TRPM3: variants seen among roughly 807,000 people sequenced by gnomAD.
TRPM3 encodes the protein transient receptor potential cation channel subfamily M member 3.
TRPM3 carries 77 observed loss-of-function variants against 181.2 expected under a neutral mutation model. That is an observed-to-expected ratio of 0.42 (90% CI 0.35 to 0.51). TRPM3 has a LOEUF of 0.51. Ranked by LOEUF, TRPM3 falls within the 20% of genes least tolerant of loss-of-function variation. TRPM3 has a pLI of 0.01. For missense variants in TRPM3, 1,759 were observed against 2,196.7 expected (o/e 0.80, Z 3.98); for synonymous variants, 745 against 796.4 (o/e 0.94, Z 1.09).
At chr9:71,044,431 T>C (rs2059186069) in intron 1 of TRPM3, among the ~76,000 whole-genome samples, 1 of 152,238 alleles carries the variant, frequency 6.6e-6, no homozygotes, top group Non-Finnish European at 1.5e-5. Flanking sequence ...CTGTTTATAT[T>C]CTTTGCTTTT....
chr9:70,860,710 C>T (rs1422645454), intron 3 of TRPM3, among the ~76,000 whole-genome samples: 1 of 152,120 alleles, frequency 6.6e-6, no homozygotes, highest in African/African-American at 2.4e-5. Flanking sequence ...TATGTGCATC[C>T]AAATGAGTGT....
At position 70,616,072 on chromosome 9, in the gene TRPM3, T is replaced by C; in HGVS notation, c.2362A>G (p.Ile788Val). The C allele has an allele frequency of 6.3e-7, 1 of 1,582,068 alleles. No homozygotes were observed. The highest frequency in any genetic ancestry group is 8.6e-7 in the Non-Finnish European group (1 of 1,166,396). The change falls in exon 18 of 26, where the codon ATT becomes GTT. Residue 788 changes from isoleucine (I) to valine (V), a missense_variant. Physicochemically the swap from Ile to Val is conservative, Grantham distance 29 (BLOSUM62 3). This residue lies in a region of TRPM3 where 114 missense variants were observed against 134.8 expected (regional missense o/e 0.85). Transcript: ENST00000677713. ...GAAGGAGGAAGTAGAATTCCCAGAATTACCTAAAGTAATAATAATGATAAT... is the reference window on the plus strand; with the variant it reads ...GAAGGAGGAAGTAGAATTCCCAGAACTACCTAAAGTAATAATAATGATAAT... ...RMRKNSGLKV[I>V]LGILLPPSIL...
intron 1 of TRPM3, among the ~76,000 whole-genome samples, chr9:71,003,193 T>TAAA (rs34024667): frequency 0.017 from 2,137 of 129,132 alleles, 68 homozygotes; most frequent in East Asian, 0.078. Context: ...TCCCTTGCCT[T>TAAA]AAAAAAAAAA....
intron 1 of TRPM3, among the ~76,000 whole-genome samples, chr9:71,378,129 C>T (rs528290163): frequency 6.6e-6 from 1 of 151,850 alleles, no homozygotes; most frequent in Non-Finnish European, 1.5e-5. Flanking sequence ...AAAAAGACAA[C>T]CCTACAGAAA....
intron 1 of TRPM3, among the ~76,000 whole-genome samples, chr9:70,875,409 T>C (rs2095853785): frequency 6.6e-6 from 1 of 151,974 alleles, no homozygotes; most frequent in Non-Finnish European, 1.5e-5. Flanking sequence ...AACAAAAATG[T>C]AGCAGAGCAC....
In TRPM3 at chr9:71,133,292, C is replaced by CTTTTTTTTTTTTTTTTTTTTTTTTT. The variant is rs761379173; in HGVS notation, c.184-268782_184-268781insAAAAAAAAAAAAAAAAAAAAAAAAA. ...CATTTGTAATTCTTCTAGCAAATTG[C>CTTTTTTTTTTTTTTTTTTTTTTTTT]TTTTTTTTTTTTTTTTTTTGAGACA... On this transcript the variant is annotated intron_variant, in intron 1 of 24. Transcript: ENST00000357533. Among the ~76,000 whole-genome samples the CTTTTTTTTTTTTTTTTTTTTTTTTT allele has an allele frequency of 6.9e-5, 5 of 72,306 alleles. 2 individuals are homozygous for CTTTTTTTTTTTTTTTTTTTTTTTTT. The highest frequency in any genetic ancestry group is 1.2e-4 in the Non-Finnish European group (5 of 40,208). The allele number at this position is 72,306 out of a possible 152,430, so 47.4% of individuals were successfully genotyped here.
chr9:70,605,145 G>A (rs923229563), intron 19 of TRPM3, among the ~76,000 whole-genome samples: 3 of 151,786 alleles, frequency 2.0e-5, no homozygotes, highest in African/African-American at 7.3e-5. Context: ...AGTAGAGACT[G>A]AGGTTTCATC....
At chr9:70,871,484 C>A (rs1314051475) in intron 1 of TRPM3, among the ~76,000 whole-genome samples, 1 of 151,916 alleles carries the variant, frequency 6.6e-6, no homozygotes, top group African/African-American at 2.4e-5. Context: ...ATAAGAGGAG[C>A]TTTCCATGAA....
intron 5 of TRPM3, among the ~76,000 whole-genome samples, chr9:70,828,663 A>G (rs1355385162): frequency 6.6e-6 from 1 of 150,758 alleles, no homozygotes; most frequent in Non-Finnish European, 1.5e-5. Flanking sequence ...GGTGAATTAC[A>G]CTACTTAAAA....
chr9:71,304,854 G>C (rs1460924292), intron 1 of TRPM3, among the ~76,000 whole-genome samples: 1 of 152,138 alleles, frequency 6.6e-6, no homozygotes, highest in Non-Finnish European at 1.5e-5. Context: ...TGTAGCTCGG[G>C]TGAATCTCTC....
intron 9 of TRPM3, among the ~76,000 whole-genome samples, chr9:70,666,273 A>T (rs1237233821): frequency 6.6e-6 from 1 of 152,214 alleles, no homozygotes; most frequent in Non-Finnish European, 1.5e-5. Context: ...GGGCAGAACT[A>T]TCACCTTGGG....
chr9:71,111,703 C>T (rs971107491), intron 1 of TRPM3, among the ~76,000 whole-genome samples: 43 of 152,174 alleles, frequency 2.8e-4, no homozygotes, highest in Non-Finnish European at 1.2e-4. Context: ...TCAAGTGATC[C>T]TTTATTTGTG....
chr9:70,911,584 C>A (rs965297209), intron 1 of TRPM3, among the ~76,000 whole-genome samples: 1 of 152,124 alleles, frequency 6.6e-6, no homozygotes, highest in South Asian at 2.1e-4. Flanking sequence ...CTACTAAAAC[C>A]TGCCTCATGT....
At chr9:71,139,915 A>T (rs2074997242) in intron 1 of TRPM3, among the ~76,000 whole-genome samples, 1 of 152,178 alleles carries the variant, frequency 6.6e-6, no homozygotes, top group Non-Finnish European at 1.5e-5. Flanking sequence ...ATTCGAGAAA[A>T]GAGCTTCCCT....
At position 70,648,443 on chromosome 9, in the gene TRPM3, G is replaced by A. The variant is rs146886829; in HGVS notation, c.1346-7783C>T. On this transcript the variant is annotated intron_variant, in intron 9 of 25. Transcript: ENST00000677713. The stretch of plus-strand genomic sequence containing the variant: ...GTAAGCCATGATCATGGCAGCCTGG[G>A]CATCAGAGTGAAATCACATCTCAGA... Among the ~76,000 whole-genome samples, 849 of 152,184 alleles carry A rather than the reference G, an allele frequency of 5.6e-3. 26 individuals carry two copies. Among genetic ancestry groups the A allele is most frequent in the Admixed American group, 0.048 (738 of 15,268 alleles).
At chr9:70,999,870 A>T (rs181682626) in intron 1 of TRPM3, among the ~76,000 whole-genome samples, 2 of 152,286 alleles carry the variant, frequency 1.3e-5, no homozygotes, top group Non-Finnish European at 2.9e-5. Flanking sequence ...AACAATCCAC[A>T]GTGTGTTTAG....
intron 9 of TRPM3, among the ~76,000 whole-genome samples, chr9:70,647,470 A>G (rs1340122985): frequency 1.3e-5 from 2 of 152,178 alleles, no homozygotes; most frequent in Non-Finnish European, 2.9e-5. Flanking sequence ...ACACAGAAAA[A>G]GCTTCCAACA....
chr9:71,337,751 C>A (rs558072576), intron 1 of TRPM3, among the ~76,000 whole-genome samples: 10 of 152,148 alleles, frequency 6.6e-5, no homozygotes, highest in Non-Finnish European at 1.5e-4. Flanking sequence ...ACTATGCAGC[C>A]ATAAAAAAGG....
chr9:71,430,368 C>T (rs576129442), intron 1 of TRPM3, among the ~76,000 whole-genome samples: 74 of 152,262 alleles, frequency 4.9e-4, no homozygotes, highest in Middle Eastern at 3.4e-3. Context: ...ATATCCCTAC[C>T]AGATGGGAAA....
Sources: allele counts gnomAD v4.1 joint callset (sites outside exome capture counted in the v4.1 genomes callset), GRCh38; gene constraint gnomAD v4.1.1; regional missense constraint gnomAD v4.1.1; transcripts MANE v1.5; gene names NCBI Gene and HGNC (gene_info 2026-07-23, HGNC 2026-07-21).